Variants in ILDR2 observed in about 807,000 individuals in gnomAD.
ILDR2 encodes immunoglobulin-like domain-containing receptor 2.
A neutral mutation model predicts 66.8 loss-of-function variants in ILDR2; 25 were observed. That is an observed-to-expected ratio of 0.37 (90% CI 0.27 to 0.52). The LOEUF (loss-of-function observed/expected upper bound fraction) is 0.52. Ranked by LOEUF, ILDR2 falls within the 20% of genes least tolerant of loss-of-function variation. The pLI, the probability that ILDR2 is intolerant of heterozygous loss-of-function variation, is 0.88. For missense variants in ILDR2, 827 were observed against 876.8 expected (o/e 0.94, Z 0.72); for synonymous variants, 367 against 357.2 (o/e 1.03, Z -0.31).
In ILDR2 at chr1:166,920,856, A is replaced by T; in HGVS notation, c.1735T>A (p.Ser579Thr). ...GACGCGTCCTCCTGGTCGTCCTGCG[A>T]CGAGCCGGCCTTGTAGGTGCCGGGC... Reference protein sequence around the residue: ...SPPGTYKAGSSQDDQEDASDD... With the variant: ...SPPGTYKAGSTQDDQEDASDD... The change falls in exon 9 of 10, where the codon TCG (serine) becomes ACG (threonine). Residue 579 changes from serine to threonine, a missense_variant. Ser to Thr is a moderately conservative substitution (Grantham distance 58). Transcript: ENST00000271417. The T allele has an allele frequency of 6.6e-7, 1 of 1,508,800 alleles. No homozygotes were observed. Among genetic ancestry groups the T allele is most frequent in the Non-Finnish European group, 8.8e-7 (1 of 1,132,900 alleles). 93.5% of individuals were successfully genotyped at this position (1,508,800 alleles called of 1,614,324 possible).
At chr1:166,896,350 G>A (rs1025783476) in intron 2 of ILDR2, among the ~76,000 whole-genome samples, 2 of 152,192 alleles carry the variant, frequency 1.3e-5, no homozygotes, top group Non-Finnish European at 2.9e-5. Flanking sequence ...GGCAGGAGAT[G>A]GGATACAGGT....
At chr1:166,956,955 C>T in intron 2 of ILDR2, 103 bp from the exon 3 acceptor site, 1 of 1,217,670 alleles carries the variant, frequency 8.2e-7, no homozygotes, top group Non-Finnish European at 1.1e-6. Context: ...GGGGTATCTG[C>T]AGTATTTTCT....
chr1:166,975,136 GA>G, intron 1 of ILDR2, 86 bp downstream of exon 1: 3 of 1,186,396 alleles, frequency 2.5e-6, no homozygotes, highest in Non-Finnish European at 2.5e-6. Flanking sequence ...CAGTAAGGAG[GA>G]AAATGGGGGG....
intron 1 of ILDR2, among the ~76,000 whole-genome samples, chr1:166,961,243 AT>A (rs1470047564): frequency 6.6e-6 from 1 of 152,156 alleles, no homozygotes; most frequent in Non-Finnish European, 1.5e-5. Context: ...AGTGAGATTT[AT>A]TTATTTTTTT....
intron 1 of ILDR2, among the ~76,000 whole-genome samples, chr1:166,960,927 A>G: frequency 6.6e-6 from 1 of 152,214 alleles, no homozygotes; most frequent in South Asian, 2.1e-4. Flanking sequence ...TCAATTTTTC[A>G]GGTAATAAGA....
intron 7 of ILDR2, among the ~76,000 whole-genome samples, chr1:166,926,266 A>G (rs964292700): frequency 6.6e-6 from 1 of 152,120 alleles, no homozygotes; most frequent in Non-Finnish European, 1.5e-5. Context: ...GAGCCTGTCC[A>G]TGTGGGACCT....
chr1:166,940,725 C>T (rs1401694576), intron 3 of ILDR2, among the ~76,000 whole-genome samples: 1 of 152,216 alleles, frequency 6.6e-6, no homozygotes, highest in African/African-American at 2.4e-5. Flanking sequence ...ATTGTCATTT[C>T]AAGGACTTAG....
At chr1:166,973,274 CAAA>C (rs1332553072) in intron 1 of ILDR2, among the ~76,000 whole-genome samples, 1 of 152,106 alleles carries the variant, frequency 6.6e-6, no homozygotes, top group East Asian at 1.9e-4. Context: ...AAAAATAAAA[CAAA>C]AAGCCCTCCA....
intron 3 of ILDR2, among the ~76,000 whole-genome samples, chr1:166,951,496 A>G (rs959901060): frequency 6.6e-6 from 1 of 152,218 alleles, no homozygotes; most frequent in Non-Finnish European, 1.5e-5. Context: ...TTGAGCCTCT[A>G]TCCCTTACAA....
Position 166,920,766 on chromosome 1 carries a change from C to A in ILDR2, c.1825G>T (p.Asp609Tyr). ...LTRGPSYRGR[D>Y]LPYHSNSEKK... Reference sequence around the variant, plus strand: ...TCCGAGTTGCTGTGGTAGGGCAGGTCGCGGCCGCGGTAGGACGGGCCGCGG... The same window carrying A: ...TCCGAGTTGCTGTGGTAGGGCAGGTAGCGGCCGCGGTAGGACGGGCCGCGG... The change falls in exon 9 of 10, where the codon GAC (aspartate) becomes TAC (tyrosine). Residue 609 changes from aspartate to tyrosine, a missense_variant. Asp to Tyr is a radical substitution (Grantham distance 160). Coordinates refer to ENST00000271417, the MANE Select transcript of ILDR2 (RefSeq NM_199351.3). 1.3e-6 allele frequency: 2 copies of A among 1,491,810 alleles called. No homozygotes were observed. Among genetic ancestry groups the A allele is most frequent in the African/African-American group, 1.5e-5 (1 of 68,760 alleles). 92.4% of individuals were successfully genotyped at this position (1,491,810 alleles called of 1,614,324 possible). A position where few individuals can be genotyped will look rare whatever the true frequency, so the allele number is the denominator to read the frequency against.
chr1:166,970,043 A>T (rs1663190370), intron 1 of ILDR2, among the ~76,000 whole-genome samples: 1 of 152,240 alleles, frequency 6.6e-6, no homozygotes, highest in Non-Finnish European at 1.5e-5. Flanking sequence ...GGGAGAAAGA[A>T]GGCATAAGAG....
At chr1:166,896,547 T>C (rs371326003) in intron 2 of ILDR2, among the ~76,000 whole-genome samples, 1 of 68,166 alleles carries the variant, frequency 1.5e-5, no homozygotes, top group Non-Finnish European at 3.9e-5. Flanking sequence ...TGGAAACAGA[T>C]ATATATATAT....
rs1317411387 is a variant in ILDR2 at position 166,909,072 on chromosome 1, C to T, written c.*10283G>A. The T allele has an allele frequency of 2.0e-5, 3 of 152,278 alleles. No homozygotes were observed. The highest frequency in any genetic ancestry group is 2.9e-5 in the Non-Finnish European group (2 of 68,080). 9.4% of individuals were successfully genotyped at this position (152,278 alleles called of 1,614,324 possible). On this transcript the variant is annotated 3_prime_UTR_variant, in exon 10 of 10. Transcript: ENST00000271417. The stretch of plus-strand genomic sequence containing the variant: ...TCCTATCCCACTATCCAGTCCATCG[C>T]AGTCTCACCTTCCTGGTCATAAACA...
At position 166,896,722 on chromosome 1, in the gene ILDR2, G is replaced by A. The variant is rs554065069; in HGVS notation, n.172-621C>T. Among the ~76,000 whole-genome samples, 114 of 148,064 alleles carry A rather than the reference G, an allele frequency of 7.7e-4. No homozygotes were observed. The Middle Eastern group carries it at 0.032, about 42-fold the overall frequency. ...ACGATTTTGGCTCACTGCAACCTCC[G>A]CCTCCCAGGTTCAAGTGATTCTCCT... On this transcript the variant is annotated intron_variant and non_coding_transcript_variant, in intron 2 of 2. Transcript: ENST00000414590.
rs1040368155 is a variant in ILDR2 at position 166,915,960 on chromosome 1, T to C, written c.*3395A>G. ...AACTGAGCCCCAGGAGCAGCCACGC[T>C]GAGCTCCCCTGTGAACGTGCTTGGA... On this transcript the variant is annotated 3_prime_UTR_variant, in exon 10 of 10. Transcript: ENST00000271417. 1 of 152,366 alleles carries C rather than the reference T, an allele frequency of 6.6e-6. No individual in the cohort carries two copies. The highest frequency in any genetic ancestry group is 2.4e-5 in the African/African-American group (1 of 41,452). 9.4% of individuals were successfully genotyped at this position (152,366 alleles called of 1,614,324 possible).
intron 6 of ILDR2, among the ~76,000 whole-genome samples, chr1:166,928,100 G>A (rs533205673): frequency 6.6e-6 from 1 of 152,208 alleles, no homozygotes; most frequent in Non-Finnish European, 1.5e-5. Context: ...AGAAGGGAAT[G>A]ATGGGATGGG....
At chr1:166,907,868 G>A (rs1659376395), downstream of ILDR2, among the ~76,000 whole-genome samples, 1 of 152,192 alleles carries the variant, frequency 6.6e-6, no homozygotes, top group Non-Finnish European at 1.5e-5. Context: ...TGATAACCAT[G>A]TTAGAGAAGG....
In ILDR2 at chr1:166,957,749, C is replaced by G; in HGVS notation, c.379+20G>C. 6.3e-7 allele frequency: 1 copy of G among 1,580,858 alleles called. No homozygotes were observed. Among genetic ancestry groups the G allele is most frequent in the Non-Finnish European group, 8.6e-7 (1 of 1,156,886 alleles). ...TAACCTCCCTCCCATTTCCTAGATT[C>G]AAAATAGGGGCATTATTACCATGAA... On this transcript the variant is annotated intron_variant, in intron 2 of 9. Transcript: ENST00000271417.
chr1:166,919,345 G>A lies in ILDR2; in HGVS notation c.*10C>T, dbSNP rs761221803. ...CTGATTTCTCATTATCCAGAGAAAT[G>A]TTGACAACATCAGACCACAAGGGAC... On this transcript the variant is annotated 3_prime_UTR_variant, in exon 10 of 10. Transcript: ENST00000271417. The A allele has an allele frequency of 3.7e-6, 6 of 1,611,862 alleles. No homozygotes were observed. Among genetic ancestry groups the A allele is most frequent in the Non-Finnish European group, 8.5e-7 (1 of 1,178,204 alleles).
Sources: allele counts gnomAD v4.1 joint callset (sites outside exome capture counted in the v4.1 genomes callset), GRCh38; gene constraint gnomAD v4.1.1; transcripts MANE v1.5; gene names NCBI Gene and HGNC (gene_info 2026-07-23, HGNC 2026-07-21).